The following SPATA17 variants were observed in gnomAD, a reference collection of about 807,000 sequenced individuals.
SPATA17 encodes spermatogenesis-associated protein 17.
SPATA17 carries 53 observed loss-of-function variants against 62.2 expected under a neutral mutation model. That is an observed-to-expected ratio of 0.85 (90% confidence interval 0.68 to 1.07). SPATA17 has a LOEUF of 1.07. Among genes scored for constraint, SPATA17 ranks in the 50% least tolerant of loss-of-function variants. The pLI is 0.00. For missense variants in SPATA17, 466 were observed against 425.5 expected, an observed-to-expected ratio of 1.10 and a Z score of -0.84; for synonymous variants, 146 against 146.8, an observed-to-expected ratio of 0.99 and a Z score of 0.04.
intron 6 of SPATA17, among the ~76,000 whole-genome samples, chr1:217,743,213 A>G (rs1300609612): frequency 6.6e-6 from 1 of 152,044 alleles, no homozygotes; most frequent in Non-Finnish European, 1.5e-5. Flanking sequence ...AGGTCTCTAG[A>G]CTTTAAATAC....
At chr1:217,778,049 A>G (rs1220323072) in intron 7 of SPATA17, among the ~76,000 whole-genome samples, 1 of 152,140 alleles carries the variant, frequency 6.6e-6, no homozygotes, top group Non-Finnish European at 1.5e-5. Context: ...TGCATATATA[A>G]CATATAACTT....
At chr1:217,807,067 A>C (rs956045161) in intron 9 of SPATA17, among the ~76,000 whole-genome samples, 23 of 152,208 alleles carry the variant, frequency 1.5e-4, no homozygotes, top group African/African-American at 5.3e-4. Flanking sequence ...ATGGAATACT[A>C]TACAGCCATA....
chr1:217,735,823 G>T (rs1341366502), intron 5 of SPATA17, among the ~76,000 whole-genome samples: 1 of 151,984 alleles, frequency 6.6e-6, no homozygotes, highest in African/African-American at 2.4e-5. Context: ...AAAGCAAAAA[G>T]AATGTGACCA....
chr1:217,658,712 C>T (rs1670497740), intron 3 of SPATA17, among the ~76,000 whole-genome samples: 1 of 151,978 alleles, frequency 6.6e-6, no homozygotes, highest in South Asian at 2.1e-4. Context: ...GAGCCAAGAT[C>T]TCACCACTGC....
At chr1:217,852,245 A>C (rs1675683486) in intron 9 of SPATA17, among the ~76,000 whole-genome samples, 1 of 152,162 alleles carries the variant, frequency 6.6e-6, no homozygotes, top group South Asian at 2.1e-4. Context: ...TTTCTATGTG[A>C]ATTTTTTCTA....
At position 217,679,406 on chromosome 1, in the gene SPATA17, C is replaced by A. The variant is rs901577640; in HGVS notation, c.292-3852C>A. ...CACAAGGATATTGTGAGAATAAAAG[C>A]AGTTAGCATAATACCTGGCACATTC... is the stretch of plus-strand genomic sequence containing the variant. On this transcript the variant is annotated intron_variant, in intron 4 of 10. Coordinates refer to ENST00000366933, the MANE Select transcript of SPATA17 (RefSeq NM_138796.4). Among the ~76,000 whole-genome samples, 5 of 152,114 alleles carry A rather than the reference C, an allele frequency of 3.3e-5. 1 individual carries two copies.
At chr1:217,797,503 G>A (rs1207794197) in intron 8 of SPATA17, among the ~76,000 whole-genome samples, 1 of 151,970 alleles carries the variant, frequency 6.6e-6, no homozygotes, top group African/African-American at 2.4e-5. Flanking sequence ...ACCCACCTCA[G>A]CCTCCCAAAG....
At chr1:217,690,384 A>T (rs900861923) in intron 5 of SPATA17, among the ~76,000 whole-genome samples, 1 of 151,634 alleles carries the variant, frequency 6.6e-6, no homozygotes, top group Admixed American at 6.6e-5. Flanking sequence ...TTGCCAATCC[A>T]TAGAGTTAAT....
chr1:217,764,915 G>T (rs760385110), intron 6 of SPATA17, among the ~76,000 whole-genome samples: 1 of 152,008 alleles, frequency 6.6e-6, no homozygotes, highest in African/African-American at 2.4e-5. Context: ...TTAACTTCCA[G>T]TACAGTGTTG....
chr1:217,676,471 A>G (rs971637233), intron 4 of SPATA17, among the ~76,000 whole-genome samples: 6 of 152,150 alleles, frequency 3.9e-5, no homozygotes, highest in African/African-American at 1.4e-4. Context: ...ACATTTTTAA[A>G]ACATTAGGAA....
In SPATA17 at chr1:217,774,527, A is replaced by G. The variant is rs758684083; in HGVS notation, c.713A>G (p.Lys238Arg). 1 of 1,613,644 alleles carries G rather than the reference A, an allele frequency of 6.2e-7. No homozygotes were observed. The highest frequency in any genetic ancestry group is 1.1e-5 in the South Asian group (1 of 91,068). Residue 238 changes from lysine to arginine, a missense_variant, in exon 7 of 11, where the codon AAG (lysine) becomes AGG (arginine). Lys to Arg is a conservative substitution (Grantham distance 26). Transcript: ENST00000366933. ...GAAATTCTACCACCTATTAATAGAA[A>G]GCAATGTCAGGTACTAGTTTGCTGT... ...RSEILPPINR[K>R]QCQGPFRDIT...
chr1:217,814,446 T>A (rs1215664452), intron 9 of SPATA17, among the ~76,000 whole-genome samples: 1 of 152,146 alleles, frequency 6.6e-6, no homozygotes, highest in Non-Finnish European at 1.5e-5. Flanking sequence ...GAGGACAAAA[T>A]CTTTTTCTGA....
chr1:217,717,338 G>A (rs773553790), intron 5 of SPATA17, among the ~76,000 whole-genome samples: 2 of 152,100 alleles, frequency 1.3e-5, no homozygotes, highest in South Asian at 2.1e-4. Context: ...GGCCAGGCAC[G>A]GTGGCTCACA....
chr1:217,638,965 A>G lies in SPATA17; in HGVS notation c.68+7519A>G, dbSNP rs1180206681. On this transcript the variant is annotated intron_variant, in intron 1 of 10. Transcript: ENST00000366933. ...ATAAGATTAATAATATGGAGGACAT[A>G]CCCAGAGGACTTGTTATGTGAATAA... Among the ~76,000 whole-genome samples, 5 of 152,218 alleles carry G rather than the reference A, an allele frequency of 3.3e-5. No individual in the cohort carries two copies. The South Asian group carries it at 1.0e-3, about 32-fold the overall frequency.
chr1:217,792,748 C>T (rs990154937), intron 8 of SPATA17, among the ~76,000 whole-genome samples: 1 of 151,968 alleles, frequency 6.6e-6, no homozygotes, highest in Non-Finnish European at 1.5e-5. Context: ...ACTGTGGTCT[C>T]GGGGAGGGGT....
intron 9 of SPATA17, among the ~76,000 whole-genome samples, chr1:217,814,333 A>G (rs1415995128): frequency 2.0e-5 from 3 of 152,210 alleles, no homozygotes; most frequent in African/African-American, 7.2e-5. Context: ...ATAGCTGTAC[A>G]GCTCTGAAGA....
At chr1:217,633,691 C>T (rs981766170) in intron 1 of SPATA17, among the ~76,000 whole-genome samples, 23 of 152,170 alleles carry the variant, frequency 1.5e-4, no homozygotes, top group African/African-American at 4.1e-4. Flanking sequence ...GTCCCAAATC[C>T]GTTAACATGT....
intron 6 of SPATA17, among the ~76,000 whole-genome samples, chr1:217,765,356 G>T (rs1163662644): frequency 1.3e-5 from 2 of 151,356 alleles, no homozygotes; most frequent in Non-Finnish European, 3.0e-5. Flanking sequence ...TAATATGGAA[G>T]CTTAGATTAT....
At chr1:217,667,192 C>T (rs1372694364) in intron 3 of SPATA17, among the ~76,000 whole-genome samples, 3 of 151,334 alleles carry the variant, frequency 2.0e-5, no homozygotes, top group East Asian at 3.9e-4. Context: ...GGATTACAGT[C>T]GCCTGCCACT....
Sources: gnomAD v4.1 joint callset for allele counts (sites outside exome capture counted in the v4.1 genomes callset) on GRCh38, gnomAD v4.1.1 for gene constraint, MANE v1.5 for transcripts, NCBI Gene and HGNC (gene_info 2026-07-23, HGNC 2026-07-21) for gene names.